Variants in ESRRB observed in about 807,000 individuals in gnomAD.
ESRRB encodes steroid hormone receptor ERR2.
A neutral mutation model predicts 46.0 loss-of-function variants in ESRRB; 16 were observed. The observed-to-expected ratio is 0.35, with a 90% CI of 0.24 to 0.53. The LOEUF (loss-of-function observed/expected upper bound fraction) is 0.53, where lower values mean the gene tolerates loss of function less well. ESRRB is among the 20% of genes least tolerant of loss of function. The pLI, the probability that ESRRB is intolerant of heterozygous loss-of-function variation, is 0.93. For missense variants in ESRRB, 488 were observed against 607.4 expected (o/e 0.80, Z 2.07); for synonymous variants, 246 against 259.6 (o/e 0.95, Z 0.50).
chr14:76,439,725 G>A lies in ESRRB; in HGVS notation c.435G>A (p.Lys145=), dbSNP rs1217223223. 6.2e-7 allele frequency: 1 copy of A among 1,613,926 alleles called. No individual in the cohort carries two copies. The highest frequency in any genetic ancestry group is 1.3e-5 in the African/African-American group (1 of 74,950). Reference sequence around the variant, plus strand: ...GCGTGGCCTCCTGCGAGGCTTGCAAGGCCTTCTTCAAGAGGACTATCCAAG... The same window carrying A: ...GCGTGGCCTCCTGCGAGGCTTGCAAAGCCTTCTTCAAGAGGACTATCCAAG... ...HYGVASCEAC[K]AFFKRTIQGN... The change falls in exon 2 of 7, where the codon AAG becomes AAA. Residue 145 remains lysine, a synonymous_variant. Coordinates refer to ENST00000644823, the MANE Select transcript of ESRRB (RefSeq NM_001379180.1).
intron 1 of ESRRB, among the ~76,000 whole-genome samples, chr14:76,429,147 C>A (rs150931978): frequency 0.01 from 1,573 of 152,214 alleles, 15 homozygotes; most frequent in Non-Finnish European, 0.015. Context: ...CTTTCTAAGT[C>A]AACTCATCCT....
chr14:76,439,951 A>T (rs1416278674), intron 2 of ESRRB, among the ~76,000 whole-genome samples: 1 of 152,110 alleles, frequency 6.6e-6, no homozygotes, highest in African/African-American at 2.4e-5. Flanking sequence ...TTGAGATGAC[A>T]CGCGTTCCCC....
rs929803398 is a variant in ESRRB at position 76,376,768 on chromosome 14, G to T, written c.50+317G>T. On this transcript the variant is annotated intron_variant, in intron 1 of 6. Coordinates refer to ENST00000644823, the MANE Select transcript of ESRRB (RefSeq NM_001379180.1). This position sits in a 1 kb window ranked among gnomAD's most constrained non-coding sequence, Gnocchi z 4.1. Reference sequence around the variant, plus strand: ...GGTGAGAAAATATTTGAGTTTTTGTGGAATGGAGCAAGAAGGGAGGCAGAA... The same window carrying T: ...GGTGAGAAAATATTTGAGTTTTTGTTGAATGGAGCAAGAAGGGAGGCAGAA... Among the ~76,000 whole-genome samples the T allele has an allele frequency of 6.6e-6, 1 of 152,170 alleles. No homozygotes were observed. The highest frequency in any genetic ancestry group is 2.4e-5 in the African/African-American group (1 of 41,458).
At chr14:76,361,508 T>C (rs1038637930) in intron 1 of ESRRB, among the ~76,000 whole-genome samples, 2 of 152,222 alleles carry the variant, frequency 1.3e-5, no homozygotes, top group African/African-American at 4.8e-5. Context: ...GTAGTATACA[T>C]ACTTCTGAGA....
intron 3 of ESRRB, among the ~76,000 whole-genome samples, chr14:76,472,277 T>A (rs1889402862): frequency 6.6e-6 from 1 of 152,178 alleles, no homozygotes; most frequent in African/African-American, 2.4e-5. Flanking sequence ...TAACACAGTT[T>A]TGTCAAAATG....
intron 1 of ESRRB, among the ~76,000 whole-genome samples, chr14:76,384,508 C>T (rs1053078583): frequency 2.0e-5 from 3 of 152,156 alleles, no homozygotes; most frequent in Admixed American, 1.3e-4. Flanking sequence ...TCTCTGAATA[C>T]GAACAGGCAG....
intron 2 of ESRRB, among the ~76,000 whole-genome samples, chr14:76,454,128 T>A (rs1222272379): frequency 6.6e-6 from 1 of 151,922 alleles, no homozygotes; most frequent in African/African-American, 2.4e-5. Context: ...AGGGTGGCAA[T>A]GGGTGTCTGC....
At chr14:76,349,954 T>G (rs1884294474) in intron 1 of ESRRB, among the ~76,000 whole-genome samples, 1 of 152,158 alleles carries the variant, frequency 6.6e-6, no homozygotes, top group Non-Finnish European at 1.5e-5. Flanking sequence ...TCAGTAAGAT[T>G]CATCAGGCTT....
rs1437017737 is a variant in ESRRB, at chr14:76,332,783, TATATATAAATATATA to T, written c.2+21874_2+21888del. Among the ~76,000 whole-genome samples the T allele has an allele frequency of 4.6e-3, 67 of 14,612 alleles. 4 individuals carry two copies. The highest frequency in any genetic ancestry group is 0.015 in the African/African-American group (56 of 3,736). 9.6% of individuals were successfully genotyped at this position (14,612 alleles called of 152,430 possible). On this transcript the variant is annotated intron_variant, in intron 1 of 6. Transcript: ENST00000512784. ...TAAATATATAATATATATTATATATTATATATAAATATATAATATATTTATATATTATATATTTAT... is the reference window on the plus strand; with the variant it reads ...TAAATATATAATATATATTATATATTATATATTTATATATTATATATTTAT...
intron 1 of ESRRB, among the ~76,000 whole-genome samples, chr14:76,346,037 A>G: frequency 6.6e-6 from 1 of 152,172 alleles, no homozygotes; most frequent in East Asian, 1.9e-4. Context: ...CTCTCCTGGT[A>G]TCCGGTGGTT....
In ESRRB at chr14:76,482,029, TC is replaced by T; in HGVS notation, c.592del (p.Arg198GlufsTer21). ...CCTCCCCAATAGGTGTGCGCCTTGA[TC>T]GAGTGCGTGGAGGCCGTCAGAAATA... is the stretch of plus-strand genomic sequence containing the variant. The part of the protein sequence containing the change: ...GMLKEGVRLD[R>X]VRGGRQKYKR... On this transcript the variant is annotated frameshift_variant, in exon 4 of 7. Coordinates refer to ENST00000644823, the MANE Select transcript of ESRRB (RefSeq NM_001379180.1). LOFTEE classifies it high-confidence loss of function. This position sits in a 1 kb window ranked among gnomAD's most constrained non-coding sequence, Gnocchi z 4.3. 6.2e-7 allele frequency: 1 copy of T among 1,614,160 alleles called. No individual in the cohort carries two copies. Among genetic ancestry groups the T allele is most frequent in the Non-Finnish European group, 8.5e-7 (1 of 1,180,010 alleles).
intron 1 of ESRRB, among the ~76,000 whole-genome samples, chr14:76,414,668 T>TAAAAAAAAAAAAAAAA (rs71452810): frequency 1.7e-5 from 2 of 116,852 alleles, no homozygotes; most frequent in African/African-American, 3.0e-5. Flanking sequence ...GTTTGTTCCT[T>TAAAAAAAAAAAAAAAA]AAAAAAAAAA....
chr14:76,379,475 C>A (rs972419811), intron 1 of ESRRB, among the ~76,000 whole-genome samples: 1 of 151,976 alleles, frequency 6.6e-6, no homozygotes, highest in African/African-American at 2.4e-5. Context: ...GTCAGTGACC[C>A]GGAGAAAAAC....
chr14:76,427,309 T>C (rs1887244376), intron 1 of ESRRB, among the ~76,000 whole-genome samples: 1 of 152,032 alleles, frequency 6.6e-6, no homozygotes, highest in Non-Finnish European at 1.5e-5. Context: ...AGGATGTCTC[T>C]AAGAATATGG....
chr14:76,354,366 T>C (rs1190767697), intron 1 of ESRRB, among the ~76,000 whole-genome samples: 1 of 151,978 alleles, frequency 6.6e-6, no homozygotes, highest in Non-Finnish European at 1.5e-5. Context: ...CACTGCCTAG[T>C]ACGATGCCAG....
At chr14:76,474,621 G>C (rs912232243) in intron 3 of ESRRB, among the ~76,000 whole-genome samples, 1 of 152,212 alleles carries the variant, frequency 6.6e-6, no homozygotes, top group East Asian at 1.9e-4. Context: ...AGGGTGGATT[G>C]CTTAAGCTCA....
At chr14:76,444,667 A>G (rs1595124385) in intron 2 of ESRRB, among the ~76,000 whole-genome samples, 1 of 152,092 alleles carries the variant, frequency 6.6e-6, no homozygotes, top group African/African-American at 2.4e-5. Flanking sequence ...GATTAGAGGG[A>G]GGAGCCACTG....
intron 1 of ESRRB, chr14:76,311,006 C>G: frequency 2.3e-6 from 1 of 437,244 alleles, no homozygotes; most frequent in Non-Finnish European, 4.6e-6. Context: ...CTCTCTCTCT[C>G]TCTCTCTCTC....
chr14:76,405,084 A>C lies in ESRRB; in HGVS notation c.50+28633A>C, dbSNP rs1886119206. ...CTGTTTGGGAAGGATGGGCTCGCAGATTTTGTTTTTGTCTTTGTTTGTTTG... is the reference window on the plus strand; with the variant it reads ...CTGTTTGGGAAGGATGGGCTCGCAGCTTTTGTTTTTGTCTTTGTTTGTTTG... On this transcript the variant is annotated intron_variant, in intron 1 of 6. Transcript: ENST00000644823. Among the ~76,000 whole-genome samples, 8 of 152,022 alleles carry C rather than the reference A, an allele frequency of 5.3e-5. No individual in the cohort carries two copies. The South Asian group carries it at 1.3e-3, about 24-fold the overall frequency.
Sources: allele counts gnomAD v4.1 joint callset (sites outside exome capture counted in the v4.1 genomes callset), GRCh38; gene constraint gnomAD v4.1.1; non-coding constraint Gnocchi (gnomAD v3.1); transcripts MANE v1.5; gene names NCBI Gene and HGNC (gene_info 2026-07-23, HGNC 2026-07-21).